The following IGF2BP3 variants were observed in gnomAD, a reference collection of about 807,000 sequenced individuals.
IGF2BP3 encodes the protein insulin like growth factor 2 mRNA binding protein 3, also known as insulin-like growth factor 2 mRNA-binding protein 3.
Under a neutral mutation model 73.8 loss-of-function variants are expected in IGF2BP3, and 9 were observed. The ratio of observed to expected loss-of-function variants is 0.12; its 90% CI spans 0.07 to 0.21. The LOEUF is 0.21. Ranked by LOEUF, IGF2BP3 falls within the 10% of genes least tolerant of loss-of-function variation. IGF2BP3 has a pLI of 1.00. For synonymous variants in IGF2BP3, 258 were observed against 256.7 expected, an observed-to-expected ratio of 1.01 and a Z score of -0.05; for missense variants, 542 against 714.0, an observed-to-expected ratio of 0.76 and a Z score of 2.75.
In IGF2BP3 at chr7:23,400,685, G is replaced by A. The variant is rs924352513; in HGVS notation, c.285+18091C>T. ...AAAGCCACCTCATGACTGTGTGCAT[G>A]GATCCAACCATAAATACCTACACAA... On this transcript the variant is annotated intron_variant, in intron 3 of 14. Coordinates refer to ENST00000258729, the MANE Select transcript of IGF2BP3 (RefSeq NM_006547.3). Among the ~76,000 whole-genome samples, 22 of 152,314 alleles carry A rather than the reference G, an allele frequency of 1.4e-4. No individual in the cohort carries two copies. The South Asian group carries it at 1.5e-3, about 10-fold the overall frequency.
intron 2 of IGF2BP3, 77 bp from the exon 3 acceptor site, chr7:23,418,901 A>G (rs939312056): frequency 1.1e-6 from 1 of 881,378 alleles, no homozygotes. Context: ...GGAAGTTTAG[A>G]AACTACTTAA....
chr7:23,372,314 CTG>C (rs1785577785), intron 3 of IGF2BP3, among the ~76,000 whole-genome samples: 2 of 151,954 alleles, frequency 1.3e-5, no homozygotes, highest in African/African-American at 2.4e-5. Flanking sequence ...ACCTCGTGAT[CTG>C]CCCCCCCTGG....
chr7:23,382,363 T>A (rs1294966998), intron 3 of IGF2BP3, among the ~76,000 whole-genome samples: 1 of 151,922 alleles, frequency 6.6e-6, no homozygotes, highest in African/African-American at 2.4e-5. Context: ...ACACTGTAGT[T>A]TGAGTAAAAT....
chr7:23,445,476 G>A (rs1788037461), intron 2 of IGF2BP3, among the ~76,000 whole-genome samples: 1 of 151,118 alleles, frequency 6.6e-6, no homozygotes, highest in South Asian at 2.1e-4. Context: ...TCCTACGGGT[G>A]TTTCGTATAC....
At chr7:23,329,923 T>C (rs1158483460) in intron 10 of IGF2BP3, among the ~76,000 whole-genome samples, 1 of 152,206 alleles carries the variant, frequency 6.6e-6, no homozygotes, top group Non-Finnish European at 1.5e-5. Context: ...AAACCTGGGT[T>C]TCTCTATCTC....
In IGF2BP3 at chr7:23,312,429, G is replaced by A. The variant is rs1474317678; in HGVS notation, c.1673C>T (p.Thr558Ile). 3 of 1,613,800 alleles carry A rather than the reference G, an allele frequency of 1.9e-6. No individual in the cohort carries two copies. Among genetic ancestry groups the A allele is most frequent in the South Asian group, 1.1e-5 (1 of 91,074 alleles). Reference protein sequence around the residue: ...VAQRKIQEILTQVKQHQQQKA... With the variant: ...VAQRKIQEILIQVKQHQQQKA... Reference sequence around the variant, plus strand: ...CTGTTGTTGGTGCTGCTTTACCTGAGTCAGAATTTCCTGAATTTTTCTCTG... The same window carrying A: ...CTGTTGTTGGTGCTGCTTTACCTGAATCAGAATTTCCTGAATTTTTCTCTG... Residue 558 changes from threonine to isoleucine, a missense_variant, in exon 15 of 15, where the codon ACT becomes ATT. Thr to Ile is a moderately conservative substitution (Grantham distance 89). Transcript: ENST00000258729.
At chr7:23,456,002 C>T (rs1280965499) in intron 2 of IGF2BP3, among the ~76,000 whole-genome samples, 1 of 152,080 alleles carries the variant, frequency 6.6e-6, no homozygotes, top group Admixed American at 6.6e-5. Flanking sequence ...ACTCTTCTTT[C>T]TAGCCCCTGA....
At chr7:23,420,364 C>T (rs1787310787) in intron 2 of IGF2BP3, among the ~76,000 whole-genome samples, 1 of 151,972 alleles carries the variant, frequency 6.6e-6, no homozygotes, top group Admixed American at 6.6e-5. Flanking sequence ...TGTAGTACCA[C>T]CTACTCAGGA....
At chr7:23,316,228 A>C (rs1275732906) in intron 12 of IGF2BP3, among the ~76,000 whole-genome samples, 1 of 152,214 alleles carries the variant, frequency 6.6e-6, no homozygotes, top group South Asian at 2.1e-4. Context: ...CATTCTTCAC[A>C]TAAGTGAAAG....
chr7:23,368,327 AAAAGAAAGAAAGAAAAAAAGAAAG>A (rs1785441578), intron 3 of IGF2BP3, among the ~76,000 whole-genome samples: 1 of 124,548 alleles, frequency 8.0e-6, no homozygotes, highest in African/African-American at 3.3e-5. Flanking sequence ...AGAGAGAAAG[AAAAGAAAGAAAGAAAAAAAGAAAG>A]AAAGAAAGAA....
intron 2 of IGF2BP3, among the ~76,000 whole-genome samples, chr7:23,423,495 T>C (rs1787409564): frequency 6.6e-6 from 1 of 152,220 alleles, no homozygotes; most frequent in Admixed American, 6.5e-5. Flanking sequence ...AGAAAATAAA[T>C]TAGCATTTCA....
chr7:23,351,221 G>T, intron 6 of IGF2BP3, 84 bp downstream of exon 6: 1 of 1,483,386 alleles, frequency 6.7e-7, no homozygotes, highest in Non-Finnish European at 9.3e-7. Flanking sequence ...GTTCAGAAGG[G>T]CACCAAGTAC....
rs568464037 is a variant in IGF2BP3, at chr7:23,400,513, C to A, written c.285+18263G>T. ...ACACCAACATTACAACCAAAAGGGG[C>A]CATTCTGACTAAGGCTGACCCAGCC... On this transcript the variant is annotated intron_variant, in intron 3 of 14. Coordinates refer to ENST00000258729, the MANE Select transcript of IGF2BP3 (RefSeq NM_006547.3). Among the ~76,000 whole-genome samples, 21 of 152,268 alleles carry A rather than the reference C, an allele frequency of 1.4e-4. No homozygotes were observed. In the South Asian group the frequency reaches 2.1e-3, roughly 15 times the overall value.
At position 23,358,608 on chromosome 7, in the gene IGF2BP3, G is replaced by C. The variant is rs1785152345; in HGVS notation, c.401+2926C>G. Among the ~76,000 whole-genome samples, 3 of 152,296 alleles carry C rather than the reference G, an allele frequency of 2.0e-5. No homozygotes were observed. The South Asian group carries it at 6.2e-4, about 32-fold the overall frequency. On this transcript the variant is annotated intron_variant, in intron 5 of 14. Coordinates refer to ENST00000258729, the MANE Select transcript of IGF2BP3 (RefSeq NM_006547.3). The stretch of plus-strand genomic sequence containing the variant: ...TTGTAGCTGAGAAAACCAAAGCTCA[G>C]AAGTCAAGGTTACTAAGTCAGGGCT...
chr7:23,456,183 G>C (rs1788312334), intron 2 of IGF2BP3, among the ~76,000 whole-genome samples: 1 of 151,174 alleles, frequency 6.6e-6, no homozygotes, highest in Admixed American at 6.6e-5. Flanking sequence ...TCCAAAGAAA[G>C]AGCAAGAGCT....
chr7:23,442,445 T>A (rs1371932505), intron 2 of IGF2BP3, among the ~76,000 whole-genome samples: 1 of 152,156 alleles, frequency 6.6e-6, no homozygotes, highest in Non-Finnish European at 1.5e-5. Flanking sequence ...TCACCCAGGC[T>A]GGAGTACAGT....
At chr7:23,376,605 C>T (rs1261422280) in intron 3 of IGF2BP3, among the ~76,000 whole-genome samples, 1 of 151,540 alleles carries the variant, frequency 6.6e-6, no homozygotes, top group East Asian at 1.9e-4. Flanking sequence ...GTGGCTCACA[C>T]CTATAATCCC....
Position 23,310,872 on chromosome 7 carries a change from TC to T in IGF2BP3, c.*1489del, listed in dbSNP as rs1305926849. 2.6e-5 allele frequency: 4 copies of T among 152,046 alleles called. No individual in the cohort carries two copies. Among genetic ancestry groups the T allele is most frequent in the Admixed American group, 6.6e-5 (1 of 15,256 alleles). The allele number at this position is 152,046 out of a possible 1,614,324, so 9.4% of individuals were successfully genotyped here. On this transcript the variant is annotated 3_prime_UTR_variant, in exon 15 of 15. Coordinates refer to ENST00000258729, the MANE Select transcript of IGF2BP3 (RefSeq NM_006547.3). ...CATCTTACAAACAAAACTCAAAAAA[TC>T]AATTCAGAGAGCAGCGTGGCCTTGG...
intron 10 of IGF2BP3, among the ~76,000 whole-genome samples, chr7:23,320,755 C>G (rs1344397767): frequency 1.3e-5 from 2 of 151,138 alleles, no homozygotes; most frequent in Non-Finnish European, 2.9e-5. Context: ...TGAGACCAGC[C>G]TGGGCAACAT....
Sources: gnomAD v4.1 joint callset for allele counts (sites outside exome capture counted in the v4.1 genomes callset) on GRCh38, gnomAD v4.1.1 for gene constraint, MANE v1.5 for transcripts, NCBI Gene and HGNC (gene_info 2026-07-23, HGNC 2026-07-21) for gene names.